Variants in SYNE3 observed in about 807,000 individuals in gnomAD.
The protein encoded by SYNE3 is spectrin repeat containing nuclear envelope family member 3.
SYNE3 carries 100 observed loss-of-function variants against 111.2 expected under a neutral mutation model. That is an observed-to-expected ratio of 0.90 (90% CI 0.77 to 1.06). The LOEUF (loss-of-function observed/expected upper bound fraction) is 1.06. Ranked by LOEUF, SYNE3 falls within the 50% of genes least tolerant of loss-of-function variation. SYNE3 has a pLI of 0.00. For synonymous variants in SYNE3, 547 were observed against 533.9 expected (o/e 1.02, Z -0.34); for missense variants, 1,160 against 1,240.3 (o/e 0.94, Z 0.97).
At position 95,409,071 on chromosome 14, in the gene SYNE3, C is replaced by T; in HGVS notation, c.*8755G>A. On this transcript the variant is annotated 3_prime_UTR_variant, in exon 18 of 18. Coordinates refer to ENST00000682763, the MANE Select transcript of SYNE3 (RefSeq NM_152592.6). The stretch of plus-strand genomic sequence containing the variant: ...CTTTGGAATGTTGCCCTCCAGCTAA[C>T]TCACCAGCTGCCAGAGTGGCAGCAG... 2.3e-6 allele frequency: 1 copy of T among 442,220 alleles called. No homozygotes were observed. The allele number at this position is 442,220 out of a possible 1,614,324, so 27.4% of individuals were successfully genotyped here. A position where few individuals can be genotyped will look rare whatever the true frequency, so the allele number is the denominator to read the frequency against.
At chr14:95,456,370 C>T (rs756446394) in intron 5 of SYNE3, among the ~76,000 whole-genome samples, 27 of 152,314 alleles carry the variant, frequency 1.8e-4, no homozygotes, top group East Asian at 5.8e-4. Flanking sequence ...CCACGTCTCC[C>T]GATGGCAGAC....
chr14:95,513,858 G>A (rs1890815150), intron 1 of SYNE3, among the ~76,000 whole-genome samples: 1 of 150,564 alleles, frequency 6.6e-6, no homozygotes, highest in Non-Finnish European at 1.5e-5. Flanking sequence ...TCCCAGTGAT[G>A]AACGTACAAC....
At chr14:95,444,301 G>T (rs1448819220) in intron 10 of SYNE3, 184 bp downstream of exon 10, 9 of 760,178 alleles carry the variant, frequency 1.2e-5, no homozygotes, top group Non-Finnish European at 1.6e-5. Context: ...GTTGTTTGAG[G>T]TCAGGAACCA....
intron 1 of SYNE3, among the ~76,000 whole-genome samples, chr14:95,496,073 A>G (rs1194015248): frequency 6.6e-6 from 1 of 152,248 alleles, no homozygotes; most frequent in Non-Finnish European, 1.5e-5. Flanking sequence ...ATGCCCTAAA[A>G]GGACCCTAAG....
At chr14:95,483,310 G>A (rs1889364288) in intron 1 of SYNE3, among the ~76,000 whole-genome samples, 1 of 152,156 alleles carries the variant, frequency 6.6e-6, no homozygotes, top group Non-Finnish European at 1.5e-5. Flanking sequence ...AAGCTGGCCG[G>A]GGCCGCCCAC....
chr14:95,436,517 T>C (rs1180987327), intron 15 of SYNE3, among the ~76,000 whole-genome samples: 1 of 152,212 alleles, frequency 6.6e-6, no homozygotes, highest in Non-Finnish European at 1.5e-5. Context: ...TACATAGTTA[T>C]TGTTATCAGC....
At position 95,470,418 on chromosome 14, in the gene SYNE3, G is replaced by A. The variant is rs1422166634; in HGVS notation, c.145-2451C>T. Among the ~76,000 whole-genome samples, 4 of 151,834 alleles carry A rather than the reference G, an allele frequency of 2.6e-5. No homozygotes were observed. The highest frequency in any genetic ancestry group is 9.7e-5 in the African/African-American group (4 of 41,312). On this transcript the variant is annotated intron_variant, in intron 2 of 17. Coordinates refer to ENST00000682763, the MANE Select transcript of SYNE3 (RefSeq NM_152592.6). The surrounding 1 kb of genome is among the most constrained non-coding windows in gnomAD (Gnocchi z 4.2). ...AGACCAAGGCAGGAGGATCGCTGAG[G>A]CCAGGAGTATGCAACCACTCTGGGC...
intron 1 of SYNE3, among the ~76,000 whole-genome samples, chr14:95,507,681 A>C (rs910654369): frequency 6.6e-6 from 1 of 152,256 alleles, no homozygotes; most frequent in African/African-American, 2.4e-5. Context: ...ATCAGCAAAC[A>C]GATACATAGG....
chr14:95,418,576 C>T (rs1808336668), intron 17 of SYNE3, among the ~76,000 whole-genome samples: 1 of 152,074 alleles, frequency 6.6e-6, no homozygotes, highest in African/African-American at 2.4e-5. Flanking sequence ...TCCCTTTCCT[C>T]TTTTTCCTCC....
rs747020437 is a variant in SYNE3 at position 95,457,242 on chromosome 14, TCTC to T, written c.721_723del (p.Glu241del). 6.2e-7 allele frequency: 1 copy of T among 1,614,086 alleles called. No individual in the cohort carries two copies. The highest frequency in any genetic ancestry group is 8.5e-7 in the Non-Finnish European group (1 of 1,179,982). On this transcript the variant is annotated inframe_deletion, in exon 5 of 18. Coordinates refer to ENST00000682763, the MANE Select transcript of SYNE3 (RefSeq NM_152592.6). ...TTCCGCCCCAGGCAGCCATTCACCT[TCTC>T]CACCACCGCCTTCAGCCACAGTTGG...
At chr14:95,509,112 C>T (rs1038399744) in intron 1 of SYNE3, among the ~76,000 whole-genome samples, 1 of 152,250 alleles carries the variant, frequency 6.6e-6, no homozygotes, top group Non-Finnish European at 1.5e-5. Flanking sequence ...ACTCTTGAAA[C>T]TGTTGATTAG....
At chr14:95,514,215 G>A (rs559350977) in intron 1 of SYNE3, among the ~76,000 whole-genome samples, 5 of 152,252 alleles carry the variant, frequency 3.3e-5, no homozygotes, top group Admixed American at 6.5e-5. Context: ...TTATCACCCC[G>A]CCCAGGCTGG....
intron 3 of SYNE3, 88 bp downstream of exon 3, chr14:95,467,707 A>G (rs1731786381): frequency 6.7e-7 from 1 of 1,492,148 alleles, no homozygotes; most frequent in Admixed American, 2.1e-5. Flanking sequence ...GACTGGAGAA[A>G]TGTCTCTTGG....
chr14:95,495,470 G>A (rs756622497), intron 1 of SYNE3, among the ~76,000 whole-genome samples: 1 of 152,244 alleles, frequency 6.6e-6, no homozygotes, highest in Admixed American at 6.5e-5. Context: ...TGGGTAAAAT[G>A]TTATCAAATG....
At chr14:95,454,300 A>T (rs1887276881) in intron 6 of SYNE3, among the ~76,000 whole-genome samples, 1 of 152,266 alleles carries the variant, frequency 6.6e-6, no homozygotes, top group African/African-American at 2.4e-5. Flanking sequence ...ACCTTGAGTC[A>T]GATTGCCTGG....
intron 10 of SYNE3, 196 bp downstream of exon 10, chr14:95,444,289 C>A (rs963272008): frequency 1.6e-6 from 1 of 639,952 alleles, no homozygotes; most frequent in Admixed American, 3.5e-5. Flanking sequence ...GCTCAAGACT[C>A]AGTTGTTTGA....
chr14:95,464,498 A>G (rs10136515), intron 4 of SYNE3, among the ~76,000 whole-genome samples: 104,071 of 152,120 alleles, frequency 0.68, 35,774 homozygotes, highest in Admixed American at 0.73. Flanking sequence ...GGAAATGTGC[A>G]TGTTTTAGCC....
chr14:95,507,427 G>C (rs1890569001), intron 1 of SYNE3, among the ~76,000 whole-genome samples: 1 of 152,208 alleles, frequency 6.6e-6, no homozygotes, highest in Admixed American at 6.5e-5. Flanking sequence ...GCTAAGTGCT[G>C]CATGACTAAC....
rs745966189 is a variant in SYNE3, at chr14:95,417,789, A to T, written c.*37T>A. Reference sequence around the variant, plus strand: ...TCAGGAGGGGCCCTGGGACTGATGGAGGTTGGAGGAGAAAGTCACCTGTGT... The same window carrying T: ...TCAGGAGGGGCCCTGGGACTGATGGTGGTTGGAGGAGAAAGTCACCTGTGT... On this transcript the variant is annotated 3_prime_UTR_variant, in exon 18 of 18. Coordinates refer to ENST00000682763, the MANE Select transcript of SYNE3 (RefSeq NM_152592.6). 1.9e-5 allele frequency: 31 copies of T among 1,607,170 alleles called. No homozygotes were observed. Among genetic ancestry groups the T allele is most frequent in the Admixed American group, 1.5e-4 (9 of 59,962 alleles).
Sources: gnomAD v4.1 joint callset for allele counts (sites outside exome capture counted in the v4.1 genomes callset) on GRCh38, gnomAD v4.1.1 for gene constraint, Gnocchi (gnomAD v3.1) non-coding constraint, MANE v1.5 for transcripts, NCBI Gene and HGNC (gene_info 2026-07-23, HGNC 2026-07-21) for gene names.